Variants in INSR observed in about 807,000 individuals in gnomAD.
INSR encodes insulin receptor, also known as IR.
A neutral mutation model predicts 142.6 loss-of-function variants in INSR; 67 were observed. The ratio of observed to expected loss-of-function variants is 0.47; its 90% CI spans 0.39 to 0.58. The LOEUF (loss-of-function observed/expected upper bound fraction) is 0.58, where lower values mean the gene tolerates loss of function less well. INSR is among the 20% of genes least tolerant of loss of function. The pLI, the probability that INSR is intolerant of heterozygous loss-of-function variation, is 0.00. For missense variants in INSR, 1,248 were observed against 1,833.2 expected (o/e 0.68, Z 5.83); for synonymous variants, 756 against 743.1 (o/e 1.02, Z -0.28).
At chr19:7,184,182 A>T in intron 3 of INSR, 134 bp downstream of exon 3, 1 of 769,104 alleles carries the variant, frequency 1.3e-6, no homozygotes, top group South Asian at 1.6e-5. Flanking sequence ...CAAAAGTAGC[A>T]TCTGAGAGCA....
In INSR at chr19:7,168,025, G is replaced by A. The variant is rs1263247183; in HGVS notation, c.1553C>T (p.Pro518Leu). 1.9e-6 allele frequency: 3 copies of A among 1,613,878 alleles called. No homozygotes were observed. Among genetic ancestry groups the A allele is most frequent in the East Asian group, 2.2e-5 (1 of 44,892 alleles). Residue 518 changes from proline to leucine, a missense_variant, in exon 7 of 22, where the codon CCG becomes CTG. This residue lies in a region of INSR where 1,069 missense variants were observed against 1,654.0 expected (regional missense o/e 0.65). Transcript: ENST00000302850. The surrounding 1 kb of genome is among the most constrained non-coding windows in gnomAD (Gnocchi z 4.3). The part of the protein sequence containing the change: ...SFDKILLRWE[P>L]YWPPDFRDLL... ...GTCTCGGAAGTCGGGGGGCCAGTAC[G>A]GCTCCCATCTCAGCAAGATCTTGTC...
chr19:7,272,584 C>T (rs1365622148), intron 1 of INSR, among the ~76,000 whole-genome samples: 1 of 152,150 alleles, frequency 6.6e-6, no homozygotes, highest in African/African-American at 2.4e-5. Context: ...TGCCTTTGCA[C>T]TCCAGCCTGG....
Position 7,170,649 on chromosome 19 carries a change from A to G in INSR, c.1371T>C (p.Tyr457=). The change falls in exon 6 of 22, where the codon TAT becomes TAC. Residue 457 remains tyrosine, a synonymous_variant. Coordinates refer to ENST00000302850, the MANE Select transcript of INSR (RefSeq NM_000208.4). ...TITQGKLFFH[Y]NPKLCLSEIH... ...TTTCTGACAAGCAGAGTTTGGGGTT[A>G]TAGTGGAAGAAGAGTTTCCCCTGAG... The G allele has an allele frequency of 1.9e-6, 3 of 1,613,984 alleles. No individual in the cohort carries two copies.
intron 12 of INSR, among the ~76,000 whole-genome samples, chr19:7,142,178 G>A (rs992871849): frequency 2.6e-5 from 4 of 151,618 alleles, no homozygotes; most frequent in East Asian, 3.9e-4. Flanking sequence ...CAAGGTTGGC[G>A]GACCACTTGA....
In INSR at chr19:7,267,989, G is replaced by T; in HGVS notation, c.101-93C>A. The T allele has an allele frequency of 3.7e-6, 4 of 1,068,556 alleles. No homozygotes were observed. The highest frequency in any genetic ancestry group is 2.6e-5 in the East Asian group (1 of 39,154). 66.2% of individuals were successfully genotyped at this position (1,068,556 alleles called of 1,614,324 possible). A position where few individuals can be genotyped will look rare whatever the true frequency, so the allele number is the denominator to read the frequency against. Reference sequence around the variant, plus strand: ...AGGGGCAGAGCCGGCTTCATGGACAGGAAACCTGGGCCCTGTGTTTTCATC... The same window carrying T: ...AGGGGCAGAGCCGGCTTCATGGACATGAAACCTGGGCCCTGTGTTTTCATC... On this transcript the variant is annotated intron_variant, in intron 1 of 21. Coordinates refer to ENST00000302850, the MANE Select transcript of INSR (RefSeq NM_000208.4). This position sits in a 1 kb window ranked among gnomAD's most constrained non-coding sequence, Gnocchi z 6.3.
Position 7,163,339 on chromosome 19 carries a change from T to A in INSR, c.1862-140A>T. ...ATTTTGGGCGGCCAAGGCAGGCGGA[T>A]CACGAGGTCAGGAGATCGAGACCAT... is the stretch of plus-strand genomic sequence containing the variant. On this transcript the variant is annotated intron_variant, in intron 8 of 21. Coordinates refer to ENST00000302850, the MANE Select transcript of INSR (RefSeq NM_000208.4). The A allele has an allele frequency of 3.8e-6, 3 of 792,698 alleles. No individual in the cohort carries two copies. In the South Asian group the frequency reaches 4.2e-5, roughly 11 times the overall value. The allele number at this position is 792,698 out of a possible 1,614,324, so 49.1% of individuals were successfully genotyped here.
intron 13 of INSR, among the ~76,000 whole-genome samples, chr19:7,134,978 G>A (rs962708123): frequency 0.12 from 17 of 140 alleles, 1 homozygote; most frequent in Admixed American, 0.42. Context: ...TGCAAGCATC[G>A]AGCCCAAAAC....
chr19:7,121,058 T>C (rs1239627381), intron 19 of INSR, among the ~76,000 whole-genome samples: 1 of 151,932 alleles, frequency 6.6e-6, no homozygotes, highest in Non-Finnish European at 1.5e-5. Context: ...AGTGCAGTGG[T>C]GCAATCTTGG....
chr19:7,278,242 A>G (rs1045125458), intron 1 of INSR, among the ~76,000 whole-genome samples: 1 of 152,232 alleles, frequency 6.6e-6, no homozygotes, highest in African/African-American at 2.4e-5. Context: ...GAACTGAAAG[A>G]GGACTGTGAT....
chr19:7,217,765 T>G (rs1035522376), intron 2 of INSR, among the ~76,000 whole-genome samples: 2 of 152,224 alleles, frequency 1.3e-5, no homozygotes, highest in African/African-American at 4.8e-5. Context: ...TTCACCGTGT[T>G]AGCCAGGATG....
chr19:7,249,355 T>C (rs565080473), intron 2 of INSR, among the ~76,000 whole-genome samples: 1 of 152,274 alleles, frequency 6.6e-6, no homozygotes, highest in African/African-American at 2.4e-5. Context: ...CATACCTTTC[T>C]CGCTTATAAA....
intron 2 of INSR, among the ~76,000 whole-genome samples, chr19:7,255,668 C>T (rs1182316288): frequency 6.6e-6 from 1 of 151,746 alleles, no homozygotes; most frequent in Non-Finnish European, 1.5e-5. Context: ...GCCTCAAAGT[C>T]CCAGGCTCAA....
chr19:7,122,518 A>G, intron 19 of INSR, 96 bp downstream of exon 19: 1 of 1,313,800 alleles, frequency 7.6e-7, no homozygotes, highest in South Asian at 1.2e-5. Context: ...CCTTTATATT[A>G]TCAGAAAAGA....
At chr19:7,255,127 C>A (rs1976849840) in intron 2 of INSR, among the ~76,000 whole-genome samples, 1 of 152,108 alleles carries the variant, frequency 6.6e-6, no homozygotes, top group Non-Finnish European at 1.5e-5. Context: ...CTGGGGCAGC[C>A]AAGTGACCAC....
intron 9 of INSR, among the ~76,000 whole-genome samples, chr19:7,155,260 C>T (rs1437674777): frequency 2.0e-5 from 3 of 152,022 alleles, no homozygotes; most frequent in Admixed American, 2.0e-4. Flanking sequence ...TCTGGCCAGG[C>T]GTGGTGGCCC....
At chr19:7,200,704 A>G (rs967026896) in intron 2 of INSR, among the ~76,000 whole-genome samples, 15 of 151,706 alleles carry the variant, frequency 9.9e-5, no homozygotes, top group Middle Eastern at 3.4e-3. Context: ...ATTAAAAAAA[A>G]TAAAACTTAG....
chr19:7,153,847 C>G (rs1973516685), intron 9 of INSR, among the ~76,000 whole-genome samples: 1 of 152,050 alleles, frequency 6.6e-6, no homozygotes, highest in Non-Finnish European at 1.5e-5. Context: ...GAAACCCTGT[C>G]TCTACTAAAA....
intron 1 of INSR, among the ~76,000 whole-genome samples, chr19:7,286,898 G>A (rs1026354634): frequency 6.6e-6 from 1 of 152,046 alleles, no homozygotes; most frequent in Non-Finnish European, 1.5e-5. Flanking sequence ...CCAGGCTGGA[G>A]TGCAGTGGTA....
chr19:7,218,426 G>A (rs910858008), intron 2 of INSR, among the ~76,000 whole-genome samples: 1 of 152,068 alleles, frequency 6.6e-6, no homozygotes, highest in Middle Eastern at 3.2e-3. Flanking sequence ...GGGCAGACCT[G>A]GGGTTAACAA....
Sources: allele counts gnomAD v4.1 joint callset (sites outside exome capture counted in the v4.1 genomes callset), GRCh38; gene constraint gnomAD v4.1.1; regional missense constraint gnomAD v4.1.1; non-coding constraint Gnocchi (gnomAD v3.1); transcripts MANE v1.5; gene names NCBI Gene and HGNC (gene_info 2026-07-23, HGNC 2026-07-21).